The following EYS variants were observed in gnomAD, a reference collection of about 807,000 sequenced individuals.
EYS encodes EGF-like photoreceptor maintenance factor, also known as protein eyes shut homolog.
A neutral mutation model predicts 282.1 loss-of-function variants in EYS; 250 were observed. The observed-to-expected ratio is 0.89, with a 90% CI of 0.80 to 0.98. The LOEUF is 0.98. EYS is among the 50% of genes least tolerant of loss of function. EYS has a pLI of 0.00. For missense variants in EYS, 4,016 were observed against 3,709.0 expected, an observed-to-expected ratio of 1.08 and a Z score of -2.15; for synonymous variants, 1,355 against 1,282.9, an observed-to-expected ratio of 1.06 and a Z score of -1.20.
intron 31 of EYS, among the ~76,000 whole-genome samples, chr6:64,185,251 C>T (rs1352872398): frequency 1.3e-5 from 2 of 152,120 alleles, no homozygotes; most frequent in Admixed American, 1.3e-4. Context: ...TCCACCAATA[C>T]AGGAAGACAT....
intron 12 of EYS, among the ~76,000 whole-genome samples, chr6:65,179,516 G>T (rs1165850252): frequency 6.6e-6 from 1 of 152,096 alleles, no homozygotes. Context: ...CCAGGAAGAA[G>T]TTGAATCTCT....
At chr6:63,822,630 G>A (rs1039874542) in intron 36 of EYS, 2 of 152,200 alleles carry the variant, frequency 1.3e-5, no homozygotes, top group African/African-American at 4.8e-5. Flanking sequence ...GTGCTATTAA[G>A]AAAAGCTACC....
At chr6:65,346,130 C>A (rs1207504109) in intron 9 of EYS, among the ~76,000 whole-genome samples, 1 of 151,668 alleles carries the variant, frequency 6.6e-6, no homozygotes, top group Non-Finnish European at 1.5e-5. Flanking sequence ...CTTGAGGGTC[C>A]CCTAGCGAAA....
chr6:64,055,424 A>G (rs766815373), intron 33 of EYS, among the ~76,000 whole-genome samples: 2 of 152,142 alleles, frequency 1.3e-5, no homozygotes, highest in African/African-American at 2.4e-5. Flanking sequence ...GAGTGTTATT[A>G]TCTTTGTTTC....
At chr6:65,677,907 T>A (rs373168409) in intron 1 of EYS, among the ~76,000 whole-genome samples, 48 of 152,204 alleles carry the variant, frequency 3.2e-4, no homozygotes, top group African/African-American at 8.2e-4. Flanking sequence ...AGTCAACTGA[T>A]CTTCAACAAT....
chr6:65,672,224 T>C (rs1229379427), intron 1 of EYS, among the ~76,000 whole-genome samples: 1 of 152,066 alleles, frequency 6.6e-6, no homozygotes, highest in Non-Finnish European at 1.5e-5. Context: ...GAAAAACTGG[T>C]TGTTTACTTG....
intron 22 of EYS, among the ~76,000 whole-genome samples, chr6:64,789,903 A>AT (rs1774136550): frequency 2.0e-5 from 3 of 151,222 alleles, no homozygotes; most frequent in African/African-American, 4.9e-5. Flanking sequence ...ATATATATAT[A>AT]AATGTCAAAA....
At chr6:64,816,002 T>G (rs1764733630) in intron 21 of EYS, among the ~76,000 whole-genome samples, 1 of 152,136 alleles carries the variant, frequency 6.6e-6, no homozygotes, top group Admixed American at 6.6e-5. Flanking sequence ...TCCTGTGATC[T>G]CTTAACTGCC....
chr6:65,069,563 C>A (rs1484709639), intron 12 of EYS, among the ~76,000 whole-genome samples: 1 of 151,920 alleles, frequency 6.6e-6, no homozygotes, highest in East Asian at 1.9e-4. Flanking sequence ...ACACTTCTCA[C>A]TGTTTTTTAT....
chr6:64,698,215 A>C (rs1313030862), intron 22 of EYS, among the ~76,000 whole-genome samples: 1 of 152,128 alleles, frequency 6.6e-6, no homozygotes, highest in Non-Finnish European at 1.5e-5. Flanking sequence ...TATTGCATTA[A>C]ATACCTACAT....
At chr6:65,230,226 C>A (rs1451073237) in intron 12 of EYS, among the ~76,000 whole-genome samples, 3 of 151,800 alleles carry the variant, frequency 2.0e-5, no homozygotes, top group African/African-American at 4.8e-5. Flanking sequence ...ACATTTCTTG[C>A]CATTTTTTAC....
intron 2 of EYS, among the ~76,000 whole-genome samples, chr6:65,524,493 A>T (rs1013253898): frequency 3.3e-5 from 5 of 152,204 alleles, no homozygotes; most frequent in Non-Finnish European, 7.3e-5. Context: ...TACATGAAGC[A>T]TATACAGCCT....
intron 37 of EYS, among the ~76,000 whole-genome samples, chr6:63,792,150 T>C (rs933567402): frequency 1.3e-5 from 2 of 151,752 alleles, no homozygotes; most frequent in Admixed American, 6.6e-5. Flanking sequence ...TTATAGGTGC[T>C]CCTGCCTACA....
chr6:64,401,788 G>A (rs1402865781), intron 28 of EYS, among the ~76,000 whole-genome samples: 1 of 152,062 alleles, frequency 6.6e-6, no homozygotes, highest in Admixed American at 6.6e-5. Flanking sequence ...TTCCACAGGT[G>A]ACATGGAACT....
chr6:64,080,832 G>C (rs1237842040), intron 32 of EYS, among the ~76,000 whole-genome samples: 3 of 152,096 alleles, frequency 2.0e-5, no homozygotes, highest in East Asian at 3.9e-4. Context: ...CCCATTGCTT[G>C]TTTTTCTCAG....
intron 5 of EYS, among the ~76,000 whole-genome samples, chr6:65,488,617 A>G (rs950904407): frequency 1.3e-5 from 2 of 150,492 alleles, no homozygotes; most frequent in East Asian, 3.9e-4. Flanking sequence ...ACAGAATTGG[A>G]AAAATCTACT....
At chr6:64,430,350 C>T (rs544122956) in intron 28 of EYS, among the ~76,000 whole-genome samples, 16 of 152,172 alleles carry the variant, frequency 1.1e-4, no homozygotes, top group Middle Eastern at 6.8e-3. Context: ...TGCGCCAGTA[C>T]GCCGGGTGAA....
chr6:64,128,470 C>T (rs1009262756), intron 31 of EYS, among the ~76,000 whole-genome samples: 1 of 152,098 alleles, frequency 6.6e-6, no homozygotes, highest in African/African-American at 2.4e-5. Context: ...CTGTTCAGTT[C>T]TAATTCTCAT....
chr6:64,469,390 T>A (rs1776034660), intron 26 of EYS, among the ~76,000 whole-genome samples: 1 of 152,128 alleles, frequency 6.6e-6, no homozygotes, highest in Admixed American at 6.5e-5. Flanking sequence ...TAGATATGAT[T>A]ATATATAAAT....
Sources: gnomAD v4.1 joint callset for allele counts (sites outside exome capture counted in the v4.1 genomes callset) on GRCh38, gnomAD v4.1.1 for gene constraint, MANE v1.5 for transcripts, NCBI Gene and HGNC (gene_info 2026-07-23, HGNC 2026-07-21) for gene names.